The following ZNF385D variants were observed in gnomAD, a reference collection of about 807,000 sequenced individuals.
The protein encoded by ZNF385D is zinc finger protein 659.
In ZNF385D, 15 loss-of-function variants were observed where a neutral mutation model predicts 35.8. The ratio of observed to expected loss-of-function variants is 0.42; its 90% CI spans 0.28 to 0.64. The LOEUF (loss-of-function observed/expected upper bound fraction) is 0.64. ZNF385D is among the 30% of genes least tolerant of loss of function. The pLI, the probability that ZNF385D is intolerant of heterozygous loss-of-function variation, is 0.23. For synonymous variants in ZNF385D, 212 were observed against 186.8 expected (o/e 1.13, Z -1.10); for missense variants, 474 against 494.6 (o/e 0.96, Z 0.39).
chr3:22,174,756 A>C (rs1027634506), intron 2 of ZNF385D, among the ~76,000 whole-genome samples: 1 of 152,144 alleles, frequency 6.6e-6, no homozygotes, highest in Non-Finnish European at 1.5e-5. Context: ...ACAACTAGTC[A>C]GGGTAGATGA....
chr3:21,564,652 A>T lies in ZNF385D; in HGVS notation c.198T>A (p.His66Gln). 1 of 1,590,818 alleles carries T rather than the reference A, an allele frequency of 6.3e-7. No homozygotes were observed. The highest frequency in any genetic ancestry group is 8.6e-7 in the Non-Finnish European group (1 of 1,168,570). Residue 66 changes from histidine to glutamine, a missense_variant, in exon 3 of 8, where the codon CAT (histidine) becomes CAA (glutamine). By Grantham distance (24) the His-to-Gln change is conservative (BLOSUM62 0). Transcript: ENST00000281523. ...GGTGGGGAAGAGGAACCCCGAATGT[A>T]TGGTTTATTACAGCTTTCTGAATCG... The part of the protein sequence containing the change: ...MDPIQKAVIN[H>Q]TFGVPLPHRR...
chr3:21,730,288 A>G (rs1226061495), intron 1 of ZNF385D, among the ~76,000 whole-genome samples: 3 of 152,216 alleles, frequency 2.0e-5, no homozygotes, highest in Non-Finnish European at 4.4e-5. Context: ...CAAACATCTG[A>G]CCTGGAATCT....
chr3:21,727,482 A>G (rs981364975), intron 1 of ZNF385D, among the ~76,000 whole-genome samples: 1 of 152,172 alleles, frequency 6.6e-6, no homozygotes, highest in African/African-American at 2.4e-5. Context: ...TACAAGAAAA[A>G]AACAACCCCA....
At position 22,148,747 on chromosome 3, in the gene ZNF385D, CCTGA is replaced by C. The variant is rs1280043586; in HGVS notation, c.325+20066_325+20069del. On this transcript the variant is annotated intron_variant, in intron 3 of 5. Transcript: ENST00000494108. Reference sequence around the variant, plus strand: ...CCTTTTATAGGGTCCAGCAGTACTACCTGACTATCTCCAAAGTTAGGTAATTAAT... The same window carrying C: ...CCTTTTATAGGGTCCAGCAGTACTACCTATCTCCAAAGTTAGGTAATTAAT... Among the ~76,000 whole-genome samples the C allele has an allele frequency of 5.9e-5, 9 of 152,144 alleles. No individual in the cohort carries two copies. The East Asian group carries it at 1.5e-3, about 26-fold the overall frequency.
intron 3 of ZNF385D, among the ~76,000 whole-genome samples, chr3:22,119,017 G>C (rs558137451): frequency 1.3e-5 from 2 of 151,964 alleles, no homozygotes; most frequent in African/African-American, 4.8e-5. Context: ...TTTTTTCAGG[G>C]ATTACCTAAT....
At chr3:21,819,267 A>G (rs2073289021) in intron 3 of ZNF385D, among the ~76,000 whole-genome samples, 1 of 151,926 alleles carries the variant, frequency 6.6e-6, no homozygotes, top group Non-Finnish European at 1.5e-5. Flanking sequence ...TTAACATATC[A>G]TTAATCACAA....
chr3:21,989,019 C>T (rs569258878), intron 3 of ZNF385D, among the ~76,000 whole-genome samples: 33 of 152,198 alleles, frequency 2.2e-4, no homozygotes, highest in South Asian at 1.9e-3. Context: ...GGCTCGCGCA[C>T]GGTGCGCGCA....
At chr3:21,734,435 G>A (rs1191033832) in intron 1 of ZNF385D, among the ~76,000 whole-genome samples, 1 of 151,866 alleles carries the variant, frequency 6.6e-6, no homozygotes, top group East Asian at 1.9e-4. Context: ...GAACCTTATT[G>A]ATGAATTTGT....
intron 3 of ZNF385D, among the ~76,000 whole-genome samples, chr3:21,549,804 T>G (rs1209323186): frequency 6.6e-6 from 1 of 152,208 alleles, no homozygotes; most frequent in Non-Finnish European, 1.5e-5. Flanking sequence ...CACTCTCTTA[T>G]GAAAGAGATG....
At chr3:22,325,577 A>C (rs1694637255) in intron 2 of ZNF385D, among the ~76,000 whole-genome samples, 1 of 152,120 alleles carries the variant, frequency 6.6e-6, no homozygotes, top group Non-Finnish European at 1.5e-5. Flanking sequence ...CAGCCTGGGC[A>C]ACATGGTCAA....
intron 3 of ZNF385D, among the ~76,000 whole-genome samples, chr3:21,949,523 C>T (rs567706772): frequency 7.3e-4 from 73 of 99,570 alleles, no homozygotes; most frequent in Middle Eastern, 5.4e-3. Context: ...CATCTCCATG[C>T]CCCTATTTTC....
chr3:21,858,060 G>A (rs1696831011), intron 3 of ZNF385D, among the ~76,000 whole-genome samples: 1 of 151,546 alleles, frequency 6.6e-6, no homozygotes, highest in Admixed American at 6.6e-5. Flanking sequence ...TACTCGGGAG[G>A]CTGAGGTAGG....
chr3:21,943,031 A>C (rs1701608247), intron 3 of ZNF385D, among the ~76,000 whole-genome samples: 1 of 152,168 alleles, frequency 6.6e-6, no homozygotes, highest in Admixed American at 6.5e-5. Context: ...ACTTCACATA[A>C]GAACTCATAC....
rs116385319 is a variant in ZNF385D, at chr3:21,741,813, T to C, written c.22+9082A>G. Among the ~76,000 whole-genome samples, 1,517 of 152,156 alleles carry C rather than the reference T, an allele frequency of 1.0e-2. 30 individuals are homozygous for C. Among genetic ancestry groups the C allele is most frequent in the African/African-American group, 0.035 (1,456 of 41,512 alleles). The stretch of plus-strand genomic sequence containing the variant: ...CATTAGAGTCTTGCAGGGGAAAGAG[T>C]ATGGGGCATGGAATCTCAGGGTTCC... On this transcript the variant is annotated intron_variant, in intron 1 of 7. Coordinates refer to ENST00000281523, the MANE Select transcript of ZNF385D (RefSeq NM_024697.3).
At chr3:21,655,355 TG>T (rs1248856472) in intron 2 of ZNF385D, among the ~76,000 whole-genome samples, 5 of 152,028 alleles carry the variant, frequency 3.3e-5, no homozygotes, top group African/African-American at 1.2e-4. Context: ...AGTTTAGTGT[TG>T]TTGCTTTTTC....
intron 2 of ZNF385D, among the ~76,000 whole-genome samples, chr3:22,262,898 C>T (rs1265670064): frequency 2.0e-5 from 3 of 151,948 alleles, no homozygotes; most frequent in African/African-American, 7.2e-5. Flanking sequence ...TAGAAAAGGG[C>T]ATCAACCCTT....
At chr3:21,981,339 A>G (rs1398763283) in intron 3 of ZNF385D, among the ~76,000 whole-genome samples, 1 of 152,026 alleles carries the variant, frequency 6.6e-6, no homozygotes, top group Non-Finnish European at 1.5e-5. Flanking sequence ...ATTTTTTTCA[A>G]TATGCTTGGA....
At chr3:22,033,068 A>G (rs2125485414) in intron 3 of ZNF385D, among the ~76,000 whole-genome samples, 1 of 152,256 alleles carries the variant, frequency 6.6e-6, no homozygotes, top group South Asian at 2.1e-4. Flanking sequence ...ATTTCTGCCC[A>G]AGACATTTTG....
intron 2 of ZNF385D, among the ~76,000 whole-genome samples, chr3:21,606,139 C>T (rs1235433974): frequency 6.6e-6 from 1 of 152,140 alleles, no homozygotes; most frequent in Non-Finnish European, 1.5e-5. Context: ...AACATATTCT[C>T]CAAACACTCA....
Sources: gnomAD v4.1 joint callset for allele counts (sites outside exome capture counted in the v4.1 genomes callset) on GRCh38, gnomAD v4.1.1 for gene constraint, MANE v1.5 for transcripts, NCBI Gene and HGNC (gene_info 2026-07-23, HGNC 2026-07-21) for gene names.